The following DAB1 variants were observed in gnomAD, a reference collection of about 807,000 sequenced individuals.
The protein encoded by DAB1 is disabled homolog 1.
Under a neutral mutation model 64.6 loss-of-function variants are expected in DAB1, and 15 were observed. The observed-to-expected ratio is 0.23, with a 90% CI of 0.16 to 0.36. The LOEUF is 0.36. Ranked by LOEUF, DAB1 falls within the 10% of genes least tolerant of loss-of-function variation. The pLI, the probability that DAB1 is intolerant of heterozygous loss-of-function variation, is 1.00. For missense variants in DAB1, 596 were observed against 706.7 expected, an observed-to-expected ratio of 0.84 and a Z score of 1.78; for synonymous variants, 235 against 251.9, an observed-to-expected ratio of 0.93 and a Z score of 0.64.
chr1:57,175,482 T>C (rs1357888844), intron 2 of DAB1, among the ~76,000 whole-genome samples: 6 of 152,166 alleles, frequency 3.9e-5, no homozygotes, highest in African/African-American at 1.2e-4. Flanking sequence ...ATTCTGATTA[T>C]GTCAAGGAAT....
rs1645599871 is a variant in DAB1 at position 56,996,005 on chromosome 1, G to A, written c.*2139C>T. 6.6e-6 allele frequency: 1 copy of A among 152,030 alleles called. No individual in the cohort carries two copies. 9.4% of individuals were successfully genotyped at this position (152,030 alleles called of 1,614,324 possible). A position where few individuals can be genotyped will look rare whatever the true frequency, so the allele number is the denominator to read the frequency against. ...GGACCTTCCACATTAGGATGATATTGACATATATTCTTGAATAGACGTTTG... is the reference window on the plus strand; with the variant it reads ...GGACCTTCCACATTAGGATGATATTAACATATATTCTTGAATAGACGTTTG... On this transcript the variant is annotated 3_prime_UTR_variant, in exon 15 of 15. Coordinates refer to ENST00000371236, the MANE Select transcript of DAB1 (RefSeq NM_001365792.1).
At chr1:57,363,095 A>T (rs1188914083) in intron 1 of DAB1, among the ~76,000 whole-genome samples, 2 of 152,256 alleles carry the variant, frequency 1.3e-5, no homozygotes, top group Non-Finnish European at 2.9e-5. Flanking sequence ...ATCACTAAAA[A>T]GAAACCCATC....
At position 58,293,249 on chromosome 1, in the gene DAB1, C is replaced by T. The variant is rs142414030; in HGVS notation, n.309+50103G>A. 4.9e-3 allele frequency among the ~76,000 whole-genome samples: 744 copies of T among 152,280 alleles called. 4 individuals are homozygous for T. The highest frequency in any genetic ancestry group is 0.017 in the African/African-American group (707 of 41,560). Reference sequence around the variant, plus strand: ...TATGCAGATATCTTCATGACATCCGCCAGCAGCCAGAGTAGCCTAGAAGGC... The same window carrying T: ...TATGCAGATATCTTCATGACATCCGTCAGCAGCCAGAGTAGCCTAGAAGGC... On this transcript the variant is annotated intron_variant and non_coding_transcript_variant, in intron 4 of 20. Transcript: ENST00000485760.
chr1:56,997,231 A>C lies in DAB1; in HGVS notation c.*913T>G, dbSNP rs1463731889. 1 of 152,234 alleles carries C rather than the reference A, an allele frequency of 6.6e-6. No homozygotes were observed. The highest frequency in any genetic ancestry group is 1.5e-5 in the Non-Finnish European group (1 of 68,044). The allele number at this position is 152,234 out of a possible 1,614,324, so 9.4% of individuals were successfully genotyped here. A position where few individuals can be genotyped will look rare whatever the true frequency, so the allele number is the denominator to read the frequency against. On this transcript the variant is annotated 3_prime_UTR_variant, in exon 15 of 15. Coordinates refer to ENST00000371236, the MANE Select transcript of DAB1 (RefSeq NM_001365792.1). ...CAGCAAGATATCGGAAAAATAAAAA[A>C]TATCATTTTATTGTACTTAGAGTTT...
At chr1:57,042,553 C>T (rs1322089416) in intron 9 of DAB1, among the ~76,000 whole-genome samples, 1 of 152,146 alleles carries the variant, frequency 6.6e-6, no homozygotes, top group African/African-American at 2.4e-5. Flanking sequence ...TCTACTATAG[C>T]CTATGGCCTT....
At chr1:57,548,258 G>A (rs1048174690) in intron 7 of DAB1, among the ~76,000 whole-genome samples, 1 of 152,054 alleles carries the variant, frequency 6.6e-6, no homozygotes, top group Admixed American at 6.6e-5. Flanking sequence ...CTCTGCAACA[G>A]GTATTATTAT....
At chr1:57,403,980 AT>A (rs1422936069) in intron 1 of DAB1, among the ~76,000 whole-genome samples, 1 of 152,182 alleles carries the variant, frequency 6.6e-6, no homozygotes, top group Non-Finnish European at 1.5e-5. Context: ...GATGGCAGTC[AT>A]TCTGCCCATT....
intron 3 of DAB1, among the ~76,000 whole-genome samples, chr1:58,357,162 G>A (rs1431869310): frequency 6.6e-6 from 1 of 151,986 alleles, no homozygotes; most frequent in African/African-American, 2.4e-5. Flanking sequence ...CTTTTGGATT[G>A]TATGAGGCAA....
At chr1:58,415,835 C>G (rs1375753782) in intron 3 of DAB1, among the ~76,000 whole-genome samples, 6 of 152,324 alleles carry the variant, frequency 3.9e-5, no homozygotes, top group African/African-American at 1.4e-4. Context: ...GGGTTCTAAT[C>G]TCAGCTCTGC....
chr1:57,316,005 G>T (rs150892457), intron 1 of DAB1, among the ~76,000 whole-genome samples: 1 of 152,112 alleles, frequency 6.6e-6, no homozygotes, highest in Non-Finnish European at 1.5e-5. Flanking sequence ...TTTAGGATAG[G>T]TGTATTACCA....
chr1:58,236,558 G>C (rs1660053127), intron 4 of DAB1, among the ~76,000 whole-genome samples: 1 of 152,188 alleles, frequency 6.6e-6, no homozygotes, highest in African/African-American at 2.4e-5. Flanking sequence ...GAATAACATA[G>C]TGAAATCAAG....
intron 3 of DAB1, among the ~76,000 whole-genome samples, chr1:58,400,492 A>G (rs1557749708): frequency 2.6e-5 from 4 of 152,188 alleles, no homozygotes; most frequent in Non-Finnish European, 5.9e-5. Flanking sequence ...GGTATTTACT[A>G]TTGATGTGAT....
intron 5 of DAB1, among the ~76,000 whole-genome samples, chr1:58,069,457 T>TC (rs1649091992): frequency 6.6e-6 from 1 of 152,220 alleles, no homozygotes; most frequent in South Asian, 2.1e-4. Flanking sequence ...CTATCCTTTG[T>TC]ACTTTACGGC....
chr1:58,115,895 A>G (rs1454715593), intron 5 of DAB1, among the ~76,000 whole-genome samples: 5 of 135,058 alleles, frequency 3.7e-5, no homozygotes, highest in East Asian at 2.1e-4. Context: ...GCTAGATGAC[A>G]CATTAGTGGG....
rs201144076 is a variant in DAB1, at chr1:58,025,548, T to TTA, written n.387+124961_387+124962dup. On this transcript the variant is annotated intron_variant and non_coding_transcript_variant, in intron 5 of 20. Transcript: ENST00000485760. Reference sequence around the variant, plus strand: ...ATGTAGATGAGCTATAAATATAATATTATATATATATAGAGAGAGAGCCTT... The same window carrying TTA: ...ATGTAGATGAGCTATAAATATAATATTATATATATATATAGAGAGAGAGCCTT... Among the ~76,000 whole-genome samples the TTA allele has an allele frequency of 1.4e-4, 21 of 147,910 alleles. 1 individual carries two copies. The highest frequency in any genetic ancestry group is 5.4e-4 in the Admixed American group (8 of 14,724).
intron 6 of DAB1, among the ~76,000 whole-genome samples, chr1:57,737,088 T>G (rs1241419402): frequency 1.3e-5 from 2 of 152,176 alleles, no homozygotes; most frequent in Non-Finnish European, 2.9e-5. Flanking sequence ...CGGAGAGGGC[T>G]TCTCAACAGG....
chr1:57,034,832 C>A (rs778522389), intron 9 of DAB1, among the ~76,000 whole-genome samples: 37 of 152,170 alleles, frequency 2.4e-4, no homozygotes, highest in African/African-American at 8.7e-4. Flanking sequence ...CCCATAGCCT[C>A]GTAGTACTGT....
intron 9 of DAB1, among the ~76,000 whole-genome samples, chr1:57,050,573 T>G (rs1395875248): frequency 1.3e-5 from 2 of 152,194 alleles, no homozygotes; most frequent in East Asian, 1.9e-4. Context: ...GTTCCACCCT[T>G]TCTCCAGAGA....
intron 2 of DAB1, among the ~76,000 whole-genome samples, chr1:57,258,540 C>T (rs758963282): frequency 2.6e-5 from 4 of 152,086 alleles, no homozygotes; most frequent in Admixed American, 6.6e-5. Flanking sequence ...TGTAACACAT[C>T]GAGATCATGA....
Sources: gnomAD v4.1 joint callset for allele counts (sites outside exome capture counted in the v4.1 genomes callset) on GRCh38, gnomAD v4.1.1 for gene constraint, MANE v1.5 for transcripts, NCBI Gene and HGNC (gene_info 2026-07-23, HGNC 2026-07-21) for gene names.